The following FRMD6 variants were observed in gnomAD, a reference collection of about 807,000 sequenced individuals.
The protein encoded by FRMD6 is FERM domain containing 6.
Under a neutral mutation model 73.2 loss-of-function variants are expected in FRMD6, and 37 were observed. That is an observed-to-expected ratio of 0.51 (90% confidence interval 0.39 to 0.66). The LOEUF (loss-of-function observed/expected upper bound fraction) is 0.66, where lower values mean the gene tolerates loss of function less well. Ranked by LOEUF, FRMD6 falls within the 30% of genes least tolerant of loss-of-function variation. The pLI is 0.00. For synonymous variants in FRMD6, 273 were observed against 282.2 expected, an observed-to-expected ratio of 0.97 and a Z score of 0.33; for missense variants, 714 against 780.5, an observed-to-expected ratio of 0.91 and a Z score of 1.02.
At chr14:51,492,515 C>A (rs1387395752) in intron 1 of FRMD6, among the ~76,000 whole-genome samples, 1 of 151,948 alleles carries the variant, frequency 6.6e-6, no homozygotes, top group Non-Finnish European at 1.5e-5. Context: ...AGACCTATCC[C>A]CTTAAACGTC....
In FRMD6 at chr14:51,580,652, G is replaced by A. The variant is rs540746743; in HGVS notation, c.-147+10242G>A. Among the ~76,000 whole-genome samples, 8 of 152,260 alleles carry A rather than the reference G, an allele frequency of 5.3e-5. No individual in the cohort carries two copies. In the East Asian group the frequency reaches 1.2e-3, roughly 22 times the overall value. On this transcript the variant is annotated intron_variant, in intron 2 of 14. Transcript: ENST00000356218. ...TAGAATGTGGAAGCATCGTAAAAAAGCAACACAATGTTTTCTGTAATATAA... is the reference window on the plus strand; with the variant it reads ...TAGAATGTGGAAGCATCGTAAAAAAACAACACAATGTTTTCTGTAATATAA...
At chr14:51,459,556 C>T in the FRMD6 span, among the ~76,000 whole-genome samples, 2 of 152,058 alleles carry the variant, frequency 1.3e-5, no homozygotes, top group East Asian at 1.9e-4. Flanking sequence ...AAAAAGCTGA[C>T]GCTGGCGACG....
chr14:51,606,888 T>G (rs1890279751), intron 2 of FRMD6, among the ~76,000 whole-genome samples: 1 of 151,850 alleles, frequency 6.6e-6, no homozygotes, highest in Non-Finnish European at 1.5e-5. Flanking sequence ...GAACCTGAGG[T>G]GGGGAGGGGG....
chr14:51,522,495 G>A (rs1238183438), intron 1 of FRMD6, among the ~76,000 whole-genome samples: 1 of 152,104 alleles, frequency 6.6e-6, no homozygotes, highest in African/African-American at 2.4e-5. Context: ...ATAAAACCCT[G>A]TAGCACCATG....
chr14:51,705,419 GT>G (rs1464866470), intron 6 of FRMD6, among the ~76,000 whole-genome samples: 1 of 152,024 alleles, frequency 6.6e-6, no homozygotes, highest in Non-Finnish European at 1.5e-5. Context: ...AACGTGAACT[GT>G]CTCAGCTGCG....
chr14:51,571,699 CAG>C lies in FRMD6; in HGVS notation c.-147+1292_-147+1293del, dbSNP rs145624271. Among the ~76,000 whole-genome samples the C allele has an allele frequency of 5.7e-3, 871 of 152,252 alleles. 3 individuals are homozygous for C. Among genetic ancestry groups the C allele is most frequent in the African/African-American group, 0.019 (805 of 41,528 alleles). On this transcript the variant is annotated intron_variant, in intron 2 of 14. Coordinates refer to the FRMD6 transcript ENST00000356218. ...TACATATTTCTTGACGAGTAGGTATCAGAGTCTCTTAGACTCAATTTCCTCAT... is the reference window on the plus strand; with the variant it reads ...TACATATTTCTTGACGAGTAGGTATCAGTCTCTTAGACTCAATTTCCTCAT...
chr14:51,508,386 G>T (rs765381967), intron 1 of FRMD6, among the ~76,000 whole-genome samples: 1 of 152,224 alleles, frequency 6.6e-6, no homozygotes, highest in Non-Finnish European at 1.5e-5. Context: ...TTTGTGAACA[G>T]GGGAAGAAGC....
At chr14:51,591,403 A>G (rs956641782) in intron 2 of FRMD6, among the ~76,000 whole-genome samples, 1 of 152,222 alleles carries the variant, frequency 6.6e-6, no homozygotes, top group Non-Finnish European at 1.5e-5. Flanking sequence ...GACAATTTGC[A>G]AAAAAGATGC....
intron 1 of FRMD6, among the ~76,000 whole-genome samples, chr14:51,560,853 C>T (rs763254759): frequency 6.6e-6 from 1 of 152,180 alleles, no homozygotes; most frequent in Admixed American, 6.5e-5. Context: ...ATGACCTGTT[C>T]ACCCACAAAT....
At chr14:51,475,036 T>C in the FRMD6 span, among the ~76,000 whole-genome samples, 1 of 152,194 alleles carries the variant, frequency 6.6e-6, no homozygotes, top group Admixed American at 6.5e-5. Context: ...TCATCAGTTA[T>C]GATAATCCCC....
At chr14:51,429,664 G>A in the FRMD6 span, among the ~76,000 whole-genome samples, 3 of 152,132 alleles carry the variant, frequency 2.0e-5, no homozygotes, top group African/African-American at 7.2e-5. Context: ...CACTGGACAG[G>A]AGTGAGGAAA....
At chr14:51,543,198 A>G (rs999501662) in intron 1 of FRMD6, among the ~76,000 whole-genome samples, 5 of 152,010 alleles carry the variant, frequency 3.3e-5, no homozygotes, top group African/African-American at 1.2e-4. Flanking sequence ...TTGCACTGAC[A>G]GTATTACCAA....
intron 2 of FRMD6, among the ~76,000 whole-genome samples, chr14:51,605,142 T>TTC (rs1890199938): frequency 6.8e-6 from 1 of 147,236 alleles, no homozygotes; most frequent in South Asian, 2.2e-4. Flanking sequence ...CAGGTTTCTT[T>TTC]TTTTTTTTTT....
the FRMD6 span, among the ~76,000 whole-genome samples, chr14:51,446,283 G>T: frequency 6.6e-6 from 1 of 152,164 alleles, no homozygotes; most frequent in Non-Finnish European, 1.5e-5. Flanking sequence ...CTGTGTTCTG[G>T]CTTCTCCTTT....
intron 2 of FRMD6, among the ~76,000 whole-genome samples, chr14:51,631,924 A>T (rs1891353164): frequency 6.6e-6 from 1 of 152,182 alleles, no homozygotes; most frequent in Admixed American, 6.5e-5. Flanking sequence ...GCATAGATCG[A>T]TGTTCTTCCC....
At chr14:51,715,097 G>A (rs1897166599) in intron 9 of FRMD6, 1 of 353,250 alleles carries the variant, frequency 2.8e-6, no homozygotes, top group East Asian at 4.6e-5. Context: ...TGGATAGTCA[G>A]TGTTTACTGA....
At chr14:51,645,434 TTTC>T (rs934668185) in intron 2 of FRMD6, among the ~76,000 whole-genome samples, 47 of 152,040 alleles carry the variant, frequency 3.1e-4, no homozygotes, top group African/African-American at 1.1e-3. Flanking sequence ...AGAGCCTTTT[TTTC>T]TTCTTCTTCT....
Position 51,728,352 on chromosome 14 carries a change from C to T in FRMD6, c.*323C>T, listed in dbSNP as rs1594796012. The T allele has an allele frequency of 1.3e-5, 3 of 232,412 alleles. No homozygotes were observed. In the East Asian group the frequency reaches 2.5e-4, roughly 20 times the overall value. The allele number at this position is 232,412 out of a possible 1,614,324, so 14.4% of individuals were successfully genotyped here. On this transcript the variant is annotated 3_prime_UTR_variant, in exon 14 of 14. Coordinates refer to ENST00000344768, the MANE Select transcript of FRMD6 (RefSeq NM_001267046.2). Reference sequence around the variant, plus strand: ...TTTGCTCATCTGATGCTTTTTAGTTCAGTTACATGTAACATCACATTTTTT... The same window carrying T: ...TTTGCTCATCTGATGCTTTTTAGTTTAGTTACATGTAACATCACATTTTTT...
intron 1 of FRMD6, among the ~76,000 whole-genome samples, chr14:51,553,186 T>G (rs1886936856): frequency 6.6e-6 from 1 of 152,206 alleles, no homozygotes; most frequent in Non-Finnish European, 1.5e-5. Flanking sequence ...TACTGAATCT[T>G]AAAAAGGACG....
Sources: gnomAD v4.1 joint callset for allele counts (sites outside exome capture counted in the v4.1 genomes callset) on GRCh38, gnomAD v4.1.1 for gene constraint, MANE v1.5 for transcripts, NCBI Gene and HGNC (gene_info 2026-07-23, HGNC 2026-07-21) for gene names.